SORBS2: variants seen among roughly 807,000 people sequenced by gnomAD.
The protein encoded by SORBS2 is sorbin and SH3 domain containing 2.
A neutral mutation model predicts 97.7 loss-of-function variants in SORBS2; 46 were observed. The observed-to-expected ratio is 0.47, with a 90% confidence interval of 0.37 to 0.60. The LOEUF is 0.60. SORBS2 is among the 20% of genes least tolerant of loss of function. The pLI is 0.00. For missense variants in SORBS2, 1,316 were observed against 1,282.3 expected (o/e 1.03, Z -0.40); for synonymous variants, 476 against 473.4 (o/e 1.01, Z -0.07).
At chr4:185,641,942 T>C (rs928585467) in intron 4 of SORBS2, among the ~76,000 whole-genome samples, 3 of 152,182 alleles carry the variant, frequency 2.0e-5, no homozygotes, top group Non-Finnish European at 2.9e-5. Flanking sequence ...AAGCATTTAA[T>C]TGCTTTTGTG....
Position 185,851,558 on chromosome 4 carries a change from C to T in SORBS2, c.-337-76192G>A, listed in dbSNP as rs528959106. On this transcript the variant is annotated intron_variant, in intron 1 of 20. Transcript: ENST00000284776. ...GACTTGTGATGGTTAATACTGAGTG[C>T]CAACTTGATTGGCTTGAAGAATGCA... Among the ~76,000 whole-genome samples, 4 of 152,096 alleles carry T rather than the reference C, an allele frequency of 2.6e-5. No homozygotes were observed. The South Asian group carries it at 8.3e-4, about 32-fold the overall frequency.
At chr4:185,859,240 T>C (rs1413477305) in intron 1 of SORBS2, among the ~76,000 whole-genome samples, 2 of 152,208 alleles carry the variant, frequency 1.3e-5, no homozygotes, top group East Asian at 3.8e-4. Context: ...ATTCTGTGAA[T>C]GGACTGTGAC....
intron 2 of SORBS2, among the ~76,000 whole-genome samples, chr4:185,736,556 G>T (rs1188628415): frequency 6.6e-6 from 1 of 152,176 alleles, no homozygotes; most frequent in Non-Finnish European, 1.5e-5. Flanking sequence ...TAAAAATGGG[G>T]CTTCGGACAC....
At chr4:185,691,196 G>A (rs1011297110) in intron 2 of SORBS2, among the ~76,000 whole-genome samples, 9 of 151,804 alleles carry the variant, frequency 5.9e-5, no homozygotes, top group African/African-American at 1.9e-4. Context: ...CACCGTGCCC[G>A]GCCTGTTTGT....
intron 4 of SORBS2, among the ~76,000 whole-genome samples, chr4:185,664,037 G>A (rs1044882084): frequency 6.6e-6 from 1 of 151,566 alleles, no homozygotes; most frequent in African/African-American, 2.4e-5. Context: ...TGTATTTTTA[G>A]TAGAGACGGG....
chr4:185,656,658 T>C (rs2097410264), exon 1 of SORBS2: 1 of 1,551,034 alleles, frequency 6.4e-7, no homozygotes, highest in Admixed American at 2.0e-5. Context: ...GGCTTCCTTC[T>C]CCCGGCTGGC....
At chr4:185,850,217 G>T (rs2099217027) in intron 1 of SORBS2, among the ~76,000 whole-genome samples, 1 of 152,176 alleles carries the variant, frequency 6.6e-6, no homozygotes, top group African/African-American at 2.4e-5. Context: ...AAATGCTAAA[G>T]TGACTTTCAT....
At chr4:185,891,126 C>T (rs1274037908) in intron 1 of SORBS2, among the ~76,000 whole-genome samples, 7 of 151,910 alleles carry the variant, frequency 4.6e-5, no homozygotes, top group Non-Finnish European at 7.4e-5. Flanking sequence ...TCTGCTTATT[C>T]TTTGTTTTTT....
chr4:185,848,532 G>A (rs2099215852), intron 1 of SORBS2, among the ~76,000 whole-genome samples: 1 of 146,060 alleles, frequency 6.8e-6, no homozygotes, highest in African/African-American at 2.5e-5. Context: ...AAAAGTCTTA[G>A]AAAAACTGTC....
rs537305951 is a variant in SORBS2, at chr4:185,640,980, G to A, written c.396+5688C>T. On this transcript the variant is annotated intron_variant, in intron 4 of 14. Coordinates refer to ENST00000418609, the Ensembl canonical transcript of SORBS2. ...GATAGAAACTTCTCTTAGAGGAAAC[G>A]AATCTGTTTAAGAAACATTATGAAC... Among the ~76,000 whole-genome samples, 9 of 152,222 alleles carry A rather than the reference G, an allele frequency of 5.9e-5. 2 individuals are homozygous for A. In the East Asian group the frequency reaches 1.3e-3, roughly 23 times the overall value.
At chr4:185,696,038 G>A (rs371224745) in intron 2 of SORBS2, among the ~76,000 whole-genome samples, 10 of 152,236 alleles carry the variant, frequency 6.6e-5, no homozygotes, top group Non-Finnish European at 1.3e-4. Flanking sequence ...CGAATTACCC[G>A]CGGCATCTAT....
At chr4:185,868,696 T>C (rs1259437341) in intron 1 of SORBS2, among the ~76,000 whole-genome samples, 1 of 152,088 alleles carries the variant, frequency 6.6e-6, no homozygotes, top group Admixed American at 6.5e-5. Context: ...TTTAGGGGAA[T>C]AGAGAAAAGC....
chr4:185,677,700 A>G, intron 4 of SORBS2: 2 of 1,359,932 alleles, frequency 1.5e-6, no homozygotes, highest in Non-Finnish European at 1.9e-6. Context: ...AGAAAGTCCA[A>G]GTTAGTCATG....
At chr4:185,711,847 C>T (rs1233575232) in intron 2 of SORBS2, among the ~76,000 whole-genome samples, 1 of 152,182 alleles carries the variant, frequency 6.6e-6, no homozygotes, top group Non-Finnish European at 1.5e-5. Context: ...AGCACACGCA[C>T]AAGCTGCCCA....
At chr4:185,889,112 A>G (rs1468633388) in intron 1 of SORBS2, among the ~76,000 whole-genome samples, 2 of 152,158 alleles carry the variant, frequency 1.3e-5, no homozygotes, top group Non-Finnish European at 2.9e-5. Flanking sequence ...CTTTTATCTT[A>G]GAGGAAGAGG....
At chr4:185,696,240 T>C (rs1403855530) in intron 2 of SORBS2, among the ~76,000 whole-genome samples, 1 of 152,230 alleles carries the variant, frequency 6.6e-6, no homozygotes, top group Admixed American at 6.5e-5. Flanking sequence ...GAGCACTATA[T>C]GTCTTCCAAG....
chr4:185,864,969 G>C (rs934728354), intron 1 of SORBS2, among the ~76,000 whole-genome samples: 1 of 151,914 alleles, frequency 6.6e-6, no homozygotes, highest in Non-Finnish European at 1.5e-5. Flanking sequence ...TACTGAGAAT[G>C]GGGGAAGGAT....
intron 1 of SORBS2, among the ~76,000 whole-genome samples, chr4:185,855,958 C>T (rs780185274): frequency 2.6e-5 from 4 of 152,070 alleles, no homozygotes; most frequent in East Asian, 1.9e-4. Flanking sequence ...TTAAATGTGC[C>T]TTTGGGATTC....
At chr4:185,882,582 A>C (rs2099237414) in intron 1 of SORBS2, among the ~76,000 whole-genome samples, 1 of 152,198 alleles carries the variant, frequency 6.6e-6, no homozygotes, top group Admixed American at 6.5e-5. Context: ...AAATATCGGC[A>C]AGTTGATTCT....
Sources: allele counts gnomAD v4.1 joint callset (sites outside exome capture counted in the v4.1 genomes callset), GRCh38; gene constraint gnomAD v4.1.1; transcripts MANE v1.5; gene names NCBI Gene and HGNC (gene_info 2026-07-23, HGNC 2026-07-21).